Variants in TRIM5 observed in about 807,000 individuals in gnomAD.
TRIM5 encodes tripartite motif-containing protein 5.
TRIM5 carries 31 observed loss-of-function variants against 35.6 expected under a neutral mutation model. The ratio of observed to expected loss-of-function variants is 0.87; its 90% CI spans 0.65 to 1.18. The LOEUF (loss-of-function observed/expected upper bound fraction) is 1.18, where lower values mean the gene tolerates loss of function less well. Among genes scored for constraint, TRIM5 ranks in the 50% most tolerant of loss-of-function variants. TRIM5 has a pLI of 0.00. For missense variants in TRIM5, 609 were observed against 591.6 expected, an observed-to-expected ratio of 1.03 and a Z score of -0.31; for synonymous variants, 243 against 215.6, an observed-to-expected ratio of 1.13 and a Z score of -1.11.
the TRIM5 span, among the ~76,000 whole-genome samples, chr11:5,629,351 T>G: frequency 1.3e-5 from 2 of 152,224 alleles, no homozygotes; most frequent in Non-Finnish European, 2.9e-5. Flanking sequence ...TTAACTTGAT[T>G]ACACCTGCAA....
the TRIM5 span, among the ~76,000 whole-genome samples, chr11:5,628,442 G>A: frequency 6.6e-6 from 1 of 152,214 alleles, no homozygotes; most frequent in South Asian, 2.1e-4. Flanking sequence ...GGGGCTACCA[G>A]TATATCTCTT....
chr11:5,624,880 TC>T, the TRIM5 span: 1 of 152,258 alleles, frequency 6.6e-6, no homozygotes, highest in Non-Finnish European at 1.5e-5. Context: ...AGACGCTCCT[TC>T]CCCTTTTCTC....
the TRIM5 span, among the ~76,000 whole-genome samples, chr11:5,629,939 C>T: frequency 6.6e-6 from 1 of 152,126 alleles, no homozygotes; most frequent in African/African-American, 2.4e-5. Flanking sequence ...ATCTCCTTAC[C>T]TCGTGATCCG....
chr11:5,634,349 G>A, the TRIM5 span, among the ~76,000 whole-genome samples: 16 of 151,704 alleles, frequency 1.1e-4, no homozygotes, highest in Admixed American at 3.3e-4. Context: ...CATTGTTTTG[G>A]TAGGTACTGA....
chr11:5,631,783 A>G, the TRIM5 span, among the ~76,000 whole-genome samples: 1 of 152,244 alleles, frequency 6.6e-6, no homozygotes, highest in South Asian at 2.1e-4. Context: ...TTTATCAAAC[A>G]TTGTGCTTCT....
the TRIM5 span, among the ~76,000 whole-genome samples, chr11:5,635,312 G>T: frequency 1.3e-5 from 2 of 149,282 alleles, no homozygotes; most frequent in East Asian, 3.9e-4. Flanking sequence ...CTGGAGTGCA[G>T]TGGTGCGATC....
the TRIM5 span, chr11:5,643,586 T>C: frequency 1.2e-6 from 2 of 1,614,150 alleles, no homozygotes; most frequent in Non-Finnish European, 1.7e-6. Context: ...CATTTTTCAA[T>C]GTCACAAGCC....
chr11:5,623,066 T>C, the TRIM5 span, among the ~76,000 whole-genome samples: 1 of 150,464 alleles, frequency 6.6e-6, no homozygotes, highest in Non-Finnish European at 1.5e-5. Context: ...TTCATTTATC[T>C]CACCTGAGCA....
At chr11:5,682,610 G>C (rs770624425) in intron 1 of TRIM5, among the ~76,000 whole-genome samples, 3 of 152,170 alleles carry the variant, frequency 2.0e-5, no homozygotes, top group Non-Finnish European at 2.9e-5. Flanking sequence ...CAGATCCAAG[G>C]GGGAAATTAG....
chr11:5,665,755 T>C, intron 6 of TRIM5, 73 bp from the exon 7 acceptor site: 1 of 1,476,548 alleles, frequency 6.8e-7, no homozygotes, highest in Non-Finnish European at 8.9e-7. Flanking sequence ...TCTCTCCAGA[T>C]TAGGGAAAGA....
At chr11:5,623,867 G>C in the TRIM5 span, among the ~76,000 whole-genome samples, 4 of 152,020 alleles carry the variant, frequency 2.6e-5, no homozygotes, top group Admixed American at 1.3e-4. Flanking sequence ...AGATGGAGAG[G>C]GCAAAAATGA....
At chr11:5,598,270 G>T in the TRIM5 span, among the ~76,000 whole-genome samples, 1 of 152,096 alleles carries the variant, frequency 6.6e-6, no homozygotes, top group African/African-American at 2.4e-5. Context: ...CTGGTGTGTG[G>T]GCAAGGGTCA....
the TRIM5 span, chr11:5,590,872 A>C: frequency 6.5e-6 from 1 of 154,006 alleles, no homozygotes; most frequent in Admixed American, 6.5e-5. Flanking sequence ...CCACGAACCC[A>C]CCAGAAGGAA....
chr11:5,622,525 G>A, the TRIM5 span, among the ~76,000 whole-genome samples: 1 of 151,988 alleles, frequency 6.6e-6, no homozygotes, highest in African/African-American at 2.4e-5. Context: ...AGGAGGCTGA[G>A]GTAGGAGAAT....
At chr11:5,640,940 C>CTCA in the TRIM5 span, among the ~76,000 whole-genome samples, 141,163 of 152,046 alleles carry the variant, frequency 0.93, 65,755 homozygotes, top group East Asian at 1. Flanking sequence ...CATACAGTTG[C>CTCA]TCATTTTATA....
the TRIM5 span, among the ~76,000 whole-genome samples, chr11:5,622,432 G>A: frequency 1.8e-3 from 268 of 146,302 alleles, 1 homozygote; most frequent in African/African-American, 6.2e-3. Context: ...GCGACAGAGC[G>A]AGACTACCTC....
the TRIM5 span, among the ~76,000 whole-genome samples, chr11:5,653,712 C>T: frequency 4.6e-5 from 7 of 151,828 alleles, no homozygotes; most frequent in African/African-American, 1.5e-4. Flanking sequence ...AGGCTGGTCT[C>T]GAACTCCTGA....
chr11:5,611,378 C>G, the TRIM5 span: 1 of 1,476,320 alleles, frequency 6.8e-7, no homozygotes, highest in East Asian at 2.3e-5. Flanking sequence ...TGATAAGTAC[C>G]CTGAGGCTTA....
At chr11:5,604,483 C>A in the TRIM5 span, 168,899 of 1,573,534 alleles carry the variant, frequency 0.11, 9,831 homozygotes, top group Middle Eastern at 0.21. Flanking sequence ...TGTCTGGGTA[C>A]TGAGTCAACT....
Sources: allele counts gnomAD v4.1 joint callset (sites outside exome capture counted in the v4.1 genomes callset), GRCh38; gene constraint gnomAD v4.1.1; transcripts MANE v1.5; gene names NCBI Gene and HGNC (gene_info 2026-07-23, HGNC 2026-07-21).